The following SNX9 variants were observed in gnomAD, a reference collection of about 807,000 sequenced individuals.
SNX9 encodes sorting nexin 9.
In SNX9, 44 loss-of-function variants were observed where a neutral mutation model predicts 89.4. That is an observed-to-expected ratio of 0.49 (90% CI 0.39 to 0.63). The LOEUF is 0.63. Ranked by LOEUF, SNX9 falls within the 30% of genes least tolerant of loss-of-function variation. The pLI is 0.00. For synonymous variants in SNX9, 236 were observed against 247.8 expected (o/e 0.95, Z 0.45); for missense variants, 578 against 736.1 (o/e 0.79, Z 2.49).
chr6:157,926,971 G>T (rs950845230), intron 10 of SNX9, 140 bp from the exon 11 acceptor site: 2 of 635,082 alleles, frequency 3.1e-6, no homozygotes, highest in African/African-American at 3.7e-5. Flanking sequence ...TTAGTCCATG[G>T]TGCAGAGGGA....
intron 13 of SNX9, among the ~76,000 whole-genome samples, chr6:157,933,640 A>G (rs1031660236): frequency 9.9e-5 from 15 of 152,182 alleles, no homozygotes; most frequent in Non-Finnish European, 1.9e-4. Context: ...TGGGTGATGG[A>G]AGAGCTGAGA....
intron 1 of SNX9, among the ~76,000 whole-genome samples, chr6:157,847,875 C>T (rs1249840389): frequency 6.6e-6 from 1 of 152,166 alleles, no homozygotes. Context: ...TTATAACTCT[C>T]TTGGTAAATG....
rs199843915 is a variant in SNX9 at position 157,873,090 on chromosome 6, G to C, written c.100-12G>C. 1 of 1,458,042 alleles carries C rather than the reference G, an allele frequency of 6.9e-7. No individual in the cohort carries two copies. The highest frequency in any genetic ancestry group is 9.1e-7 in the Non-Finnish European group (1 of 1,103,638). 90.3% of individuals were successfully genotyped at this position (1,458,042 alleles called of 1,614,324 possible). A position where few individuals can be genotyped will look rare whatever the true frequency, so the allele number is the denominator to read the frequency against. On this transcript the variant is annotated splice_polypyrimidine_tract_variant and intron_variant, in intron 2 of 17. Coordinates refer to ENST00000392185, the MANE Select transcript of SNX9 (RefSeq NM_016224.5). Reference sequence around the variant, plus strand: ...TCTTTTTCTTTTTTTTTTTTTTTTGGTGACTTATTAGGATGTAGGTGGAGG... The same window carrying C: ...TCTTTTTCTTTTTTTTTTTTTTTTGCTGACTTATTAGGATGTAGGTGGAGG...
chr6:157,875,292 G>T (rs1022783803), intron 4 of SNX9, 116 bp downstream of exon 4: 7 of 1,356,534 alleles, frequency 5.2e-6, no homozygotes, highest in Non-Finnish European at 2.0e-6. Flanking sequence ...AAACAAAGTC[G>T]CTTTTAGGTT....
At chr6:157,861,532 G>C (rs1028942438) in intron 1 of SNX9, among the ~76,000 whole-genome samples, 1 of 152,328 alleles carries the variant, frequency 6.6e-6, no homozygotes, top group East Asian at 1.9e-4. Flanking sequence ...GGTTGGAGCA[G>C]TGGGTTGAAT....
Position 157,823,318 on chromosome 6 carries a change from C to G in SNX9, c.-117C>G. ...GGCCGAGGCGGAGGAGCGGCCGCCG[C>G]GCCGGGGCCCAGCCGGAGCCGCCGC... On this transcript the variant is annotated 5_prime_UTR_variant, in exon 1 of 18. Coordinates refer to ENST00000392185, the MANE Select transcript of SNX9 (RefSeq NM_016224.5). The surrounding 1 kb of genome is among the most constrained non-coding windows in gnomAD (Gnocchi z 4.6). 1 of 931,518 alleles carries G rather than the reference C, an allele frequency of 1.1e-6. No homozygotes were observed. Among genetic ancestry groups the G allele is most frequent in the East Asian group, 5.1e-5 (1 of 19,580 alleles). The allele number at this position is 931,518 out of a possible 1,614,324, so 57.7% of individuals were successfully genotyped here. A position where few individuals can be genotyped will look rare whatever the true frequency, so the allele number is the denominator to read the frequency against.
In SNX9 at chr6:157,823,505, G is replaced by T. The variant is rs1781278421; in HGVS notation, c.12+59G>T. On this transcript the variant is annotated intron_variant, in intron 1 of 17. Transcript: ENST00000392185. This position sits in a 1 kb window ranked among gnomAD's most constrained non-coding sequence, Gnocchi z 4.6. ...CTCAGGCCCGGGGCGGCGCGGAGAG[G>T]GTCGGGGCCGGGGCCGCGGGGAGGG... The T allele has an allele frequency of 8.6e-7, 1 of 1,162,306 alleles. No individual in the cohort carries two copies. Among genetic ancestry groups the T allele is most frequent in the Admixed American group, 4.7e-5 (1 of 21,356 alleles). The allele number at this position is 1,162,306 out of a possible 1,614,324, so 72.0% of individuals were successfully genotyped here. A position where few individuals can be genotyped will look rare whatever the true frequency, so the allele number is the denominator to read the frequency against.
chr6:157,888,719 C>T (rs1185022283), intron 4 of SNX9, among the ~76,000 whole-genome samples: 2 of 152,118 alleles, frequency 1.3e-5, no homozygotes, highest in Non-Finnish European at 2.9e-5. Context: ...TAAAAGTCAT[C>T]TTTTTTTCCC....
At chr6:157,861,308 G>A (rs1392074597) in intron 1 of SNX9, among the ~76,000 whole-genome samples, 1 of 152,154 alleles carries the variant, frequency 6.6e-6, no homozygotes, top group East Asian at 1.9e-4. Flanking sequence ...AATTTTAAGA[G>A]CAACATTCTG....
intron 9 of SNX9, among the ~76,000 whole-genome samples, chr6:157,910,670 C>T (rs892909184): frequency 1.3e-5 from 2 of 152,080 alleles, no homozygotes; most frequent in African/African-American, 2.4e-5. Context: ...TGGTAAGTAA[C>T]CCATAGTGTT....
chr6:157,875,374 T>A (rs1782498090), intron 4 of SNX9, among the ~76,000 whole-genome samples, 198 bp downstream of exon 4: 1 of 151,494 alleles, frequency 6.6e-6, no homozygotes, highest in Non-Finnish European at 1.5e-5. Context: ...GTTTGCAAAA[T>A]TTATTATAAG....
At chr6:157,926,968 A>C (rs1244520981) in intron 10 of SNX9, 143 bp from the exon 11 acceptor site, 2 of 619,892 alleles carry the variant, frequency 3.2e-6, no homozygotes, top group Non-Finnish European at 5.7e-6. Flanking sequence ...TATTTAGTCC[A>C]TGGTGCAGAG....
At chr6:157,905,499 C>A (rs953645481) in intron 6 of SNX9, among the ~76,000 whole-genome samples, 1 of 152,058 alleles carries the variant, frequency 6.6e-6, no homozygotes, top group African/African-American at 2.4e-5. Context: ...TGGAAGTAGT[C>A]AAGTTTATTT....
intron 4 of SNX9, among the ~76,000 whole-genome samples, chr6:157,887,489 A>G (rs980580711): frequency 6.6e-6 from 1 of 151,952 alleles, no homozygotes; most frequent in Non-Finnish European, 1.5e-5. Context: ...CAGACTCTGT[A>G]TCCTCCCACC....
At chr6:157,928,064 G>A (rs1783733165) in intron 11 of SNX9, among the ~76,000 whole-genome samples, 1 of 152,112 alleles carries the variant, frequency 6.6e-6, no homozygotes, top group South Asian at 2.1e-4. Flanking sequence ...AAACAAAAAT[G>A]ACCTCACACT....
intron 9 of SNX9, among the ~76,000 whole-genome samples, chr6:157,920,726 G>A (rs1262078334): frequency 6.6e-6 from 1 of 152,170 alleles, no homozygotes; most frequent in Non-Finnish European, 1.5e-5. Flanking sequence ...GGCCATAGCT[G>A]GAACTTCTAC....
chr6:157,895,300 G>A (rs900433065), intron 4 of SNX9, among the ~76,000 whole-genome samples: 1 of 152,200 alleles, frequency 6.6e-6, no homozygotes, highest in Non-Finnish European at 1.5e-5. Context: ...CCCAGTCAGA[G>A]TTGTCTTGGT....
chr6:157,930,429 GT>G lies in SNX9; in HGVS notation c.1288+1729del, dbSNP rs1405600459. Among the ~76,000 whole-genome samples, 3 of 152,284 alleles carry G rather than the reference GT, an allele frequency of 2.0e-5. No individual in the cohort carries two copies. In the East Asian group the frequency reaches 5.8e-4, roughly 29 times the overall value. ...GGATGACTCAGGAACAAAAAGCAAA[GT>G]TGACGTTGTTCTCTAAAGCAGAGGC... On this transcript the variant is annotated intron_variant, in intron 12 of 17. Coordinates refer to ENST00000392185, the MANE Select transcript of SNX9 (RefSeq NM_016224.5).
intron 1 of SNX9, among the ~76,000 whole-genome samples, chr6:157,848,037 T>C (rs1302934168): frequency 6.6e-6 from 1 of 152,164 alleles, no homozygotes; most frequent in Non-Finnish European, 1.5e-5. Flanking sequence ...GTAAAGCCCT[T>C]ACTCTGTCGC....
Sources: allele counts gnomAD v4.1 joint callset (sites outside exome capture counted in the v4.1 genomes callset), GRCh38; gene constraint gnomAD v4.1.1; non-coding constraint Gnocchi (gnomAD v3.1); transcripts MANE v1.5; gene names NCBI Gene and HGNC (gene_info 2026-07-23, HGNC 2026-07-21).